The following RNH1 variants were observed in gnomAD, a reference collection of about 807,000 sequenced individuals.
RNH1 encodes the protein ribonuclease inhibitor.
A neutral mutation model predicts 46.1 loss-of-function variants in RNH1; 38 were observed. That is an observed-to-expected ratio of 0.82 (90% CI 0.64 to 1.08). The LOEUF (loss-of-function observed/expected upper bound fraction) is 1.08, where lower values mean the gene tolerates loss of function less well. RNH1 is among the 50% of genes least tolerant of loss of function. The pLI, the probability that RNH1 is intolerant of heterozygous loss-of-function variation, is 0.00. For missense variants in RNH1, 577 were observed against 590.7 expected (o/e 0.98, Z 0.24); for synonymous variants, 319 against 279.1 (o/e 1.14, Z -1.43).
At chr11:495,109 C>A in intron 9 of RNH1, 56 bp from the exon 10 acceptor site, 1 of 1,543,600 alleles carries the variant, frequency 6.5e-7, no homozygotes, top group African/African-American at 1.4e-5. Flanking sequence ...CCGCACTGAC[C>A]GGCAGAGCAG....
rs7939354 is a variant in RNH1 at position 502,204 on chromosome 11, A to G, written c.-42T>C. ...GGCCTGGGTGGGAGGCAGAGGGAAG[A>G]GGACGTCTTGGCCGAATCCCCTCAC... is the stretch of plus-strand genomic sequence containing the variant. On this transcript the variant is annotated 5_prime_UTR_variant, in exon 3 of 11. Coordinates refer to ENST00000354420, the MANE Select transcript of RNH1 (RefSeq NM_203387.3). This position sits in a 1 kb window ranked among gnomAD's most constrained non-coding sequence, Gnocchi z 5.8. The G allele has an allele frequency of 9.9e-4, 1,487 of 1,505,018 alleles. 18 individuals are homozygous for G. The African/African-American group carries it at 0.018, about 18-fold the overall frequency. 93.2% of individuals were successfully genotyped at this position (1,505,018 alleles called of 1,614,324 possible).
At position 498,926 on chromosome 11, in the gene RNH1, T is replaced by TCTCCAGCCTGGGGACACGGGTCA. The variant is rs761827227; in HGVS notation, c.615-16_621dup (p.Ser208Ter). 2 of 1,612,318 alleles carry TCTCCAGCCTGGGGACACGGGTCA rather than the reference T, an allele frequency of 1.2e-6. No individual in the cohort carries two copies. Among genetic ancestry groups the TCTCCAGCCTGGGGACACGGGTCA allele is most frequent in the South Asian group, 2.2e-5 (2 of 91,020 alleles). On this transcript the variant is annotated stop_gained and frameshift_variant, in exon 7 of 11. Coordinates refer to ENST00000354420, the MANE Select transcript of RNH1 (RefSeq NM_203387.3). LOFTEE classifies it high-confidence loss of function. ...CAGTTGTCTGATGTCACACCGCAGC[T>TCTCCAGCCTGGGGACACGGGTCA]CTCCAGCCTGGGGACACGGGTCACA...
chr11:496,544 C>G (rs1225997154), intron 9 of RNH1, among the ~76,000 whole-genome samples: 2 of 152,206 alleles, frequency 1.3e-5, no homozygotes, highest in African/African-American at 2.4e-5. Flanking sequence ...TGACGGGCGC[C>G]TGTGGTCCCA....
At chr11:504,596 A>AGCTACTACCCCAGCTTT (rs1850090285) in intron 2 of RNH1, 1 of 152,250 alleles carries the variant, frequency 6.6e-6, no homozygotes, top group African/African-American at 2.4e-5. Context: ...GCCTCGTCCC[A>AGCTACTACCCCAGCTTT]GCTACTACCC....
chr11:500,437 C>T (rs1250789057), intron 4 of RNH1, 47 bp downstream of exon 4: 23 of 1,573,810 alleles, frequency 1.5e-5, no homozygotes, highest in Non-Finnish European at 1.7e-5. Context: ...GCCGGGCTAC[C>T]AAAGCAGACT....
chr11:496,600 C>T (rs1055391432), intron 9 of RNH1, among the ~76,000 whole-genome samples: 16 of 152,102 alleles, frequency 1.1e-4, no homozygotes, highest in African/African-American at 3.9e-4. Context: ...ACTTGGGAGG[C>T]GGAGCTTGCA....
chr11:499,148 G>A lies in RNH1; in HGVS notation c.481C>T (p.Pro161Ser), dbSNP rs1400025406. Reference protein sequence around the residue: ...YCSLSAASCEPLASVLRAKPD... With the variant: ...YCSLSAASCESLASVLRAKPD... ...TTGGCCCTGAGCACGGAGGCCAGGG[G>A]CTCGCAGCTGGCAGCCGAGAGGCTG... Residue 161 changes from proline (P) to serine (S), a missense_variant, in exon 6 of 11, where the codon CCC becomes TCC. Coordinates refer to ENST00000354420, the MANE Select transcript of RNH1 (RefSeq NM_203387.3). 1 of 1,613,002 alleles carries A rather than the reference G, an allele frequency of 6.2e-7. No individual in the cohort carries two copies. Among genetic ancestry groups the A allele is most frequent in the East Asian group, 2.2e-5 (1 of 44,870 alleles).
rs776373012 is a variant in RNH1, at chr11:502,398, GA to G, written c.-87-150del. On this transcript the variant is annotated intron_variant, in intron 2 of 10. Coordinates refer to ENST00000354420, the MANE Select transcript of RNH1 (RefSeq NM_203387.3). The surrounding 1 kb of genome is among the most constrained non-coding windows in gnomAD (Gnocchi z 5.8). ...GGGCAGGGACCAGCACCCACCCCCA[GA>G]AAGGCCACCATGGGCAGCAGAGCTT... The G allele has an allele frequency of 5.6e-5, 32 of 574,252 alleles. No homozygotes were observed. The highest frequency in any genetic ancestry group is 9.7e-5 in the Non-Finnish European group (31 of 319,964). 35.6% of individuals were successfully genotyped at this position (574,252 alleles called of 1,614,324 possible).
At chr11:496,942 A>G (rs73399690) in intron 9 of RNH1, among the ~76,000 whole-genome samples, 3,929 of 152,396 alleles carry the variant, frequency 0.026, 170 homozygotes, top group African/African-American at 0.088. Flanking sequence ...TGAAGCTCTC[A>G]GGCTTCATGA....
intron 9 of RNH1, among the ~76,000 whole-genome samples, chr11:497,458 C>T (rs1431734357): frequency 6.8e-6 from 1 of 147,812 alleles, no homozygotes; most frequent in Non-Finnish European, 1.5e-5. Flanking sequence ...CTCACACACA[C>T]TCGTGCTCCC....
At position 494,648 on chromosome 11, in the gene RNH1, C is replaced by T. The variant is rs368734038; in HGVS notation, c.*43G>A. Reference sequence around the variant, plus strand: ...CAGGGGCTGGTGGGCCCCAGGGTTGCCTCGAGGCCGGTCGTCCAGGGAGAG... The same window carrying T: ...CAGGGGCTGGTGGGCCCCAGGGTTGTCTCGAGGCCGGTCGTCCAGGGAGAG... On this transcript the variant is annotated 3_prime_UTR_variant, in exon 11 of 11. Transcript: ENST00000354420. The T allele has an allele frequency of 3.8e-6, 6 of 1,592,098 alleles. No homozygotes were observed. The highest frequency in any genetic ancestry group is 4.3e-6 in the Non-Finnish European group (5 of 1,161,886).
chr11:506,503 A>G (rs935904441), intron 1 of RNH1: 1 of 152,174 alleles, frequency 6.6e-6, no homozygotes, highest in South Asian at 2.1e-4. Context: ...CCCAGGCGGC[A>G]GCTTCGCGGC....
chr11:495,560 C>T (rs1430129267), intron 9 of RNH1, among the ~76,000 whole-genome samples: 2 of 152,182 alleles, frequency 1.3e-5, no homozygotes, highest in African/African-American at 2.4e-5. Flanking sequence ...GGGGTGGAGC[C>T]GCCACAGGCC....
rs924329055 is a variant in RNH1, at chr11:494,572, C to T, written c.*119G>A. 36 of 845,112 alleles carry T rather than the reference C, an allele frequency of 4.3e-5. No individual in the cohort carries two copies. The highest frequency in any genetic ancestry group is 6.0e-5 in the Non-Finnish European group (31 of 513,048). 52.4% of individuals were successfully genotyped at this position (845,112 alleles called of 1,614,324 possible). ...TCCAAAATATACTGGCAGAAATAAG[C>T]GGATCTGAGCGTTTCTCTTCAAACC... On this transcript the variant is annotated 3_prime_UTR_variant, in exon 11 of 11. Coordinates refer to ENST00000354420, the MANE Select transcript of RNH1 (RefSeq NM_203387.3).
chr11:499,063 A>G lies in RNH1; in HGVS notation c.566T>C (p.Val189Ala). 1 of 1,613,258 alleles carries G rather than the reference A, an allele frequency of 6.2e-7. No homozygotes were observed. The highest frequency in any genetic ancestry group is 8.5e-7 in the Non-Finnish European group (1 of 1,179,918). ...NNDINEAGVR[V>A]LCQGLKDSPC... ...GGAGTCCTTCAGGCCCTGGCACAGCACACGGACGCCAGCCTCATTGATGTC... is the reference window on the plus strand; with the variant it reads ...GGAGTCCTTCAGGCCCTGGCACAGCGCACGGACGCCAGCCTCATTGATGTC... Residue 189 changes from valine (V) to alanine (A), a missense_variant, in exon 6 of 11, where the codon GTG becomes GCG. Transcript: ENST00000354420.
chr11:497,995 G>A lies in RNH1; in HGVS notation c.1103C>T (p.Pro368Leu), dbSNP rs143037442. ...CCAGAGCACCCGCAGCACAGAGCCA[G>A]GCTGGCCCAGGCCCTGGCACAGCTC... is the stretch of plus-strand genomic sequence containing the variant. The part of the protein sequence containing the change: ...VRELCQGLGQ[P>L]GSVLRVLWLA... Residue 368 changes from proline to leucine, a missense_variant, in exon 9 of 11, where the codon CCT becomes CTT. Transcript: ENST00000354420. The A allele has an allele frequency of 5.1e-4, 827 of 1,613,822 alleles. No homozygotes were observed. Among genetic ancestry groups the A allele is most frequent in the Non-Finnish European group, 6.4e-4 (757 of 1,179,948 alleles).
intron 1 of RNH1, chr11:505,725 A>AT (rs1453113134): frequency 1.3e-5 from 2 of 152,026 alleles, no homozygotes; most frequent in Non-Finnish European, 2.9e-5. Context: ...CAACTGGCTA[A>AT]TTTTTTCTAT....
In RNH1 at chr11:498,995, C is replaced by T; in HGVS notation, c.614+20G>A. ...CCCCCCTAGCCCACACCCCGCACCCCCCCAAGGCCCAGTGCCTACTTGAGC... is the reference window on the plus strand; with the variant it reads ...CCCCCCTAGCCCACACCCCGCACCCTCCCAAGGCCCAGTGCCTACTTGAGC... On this transcript the variant is annotated intron_variant, in intron 6 of 10. Transcript: ENST00000354420. The T allele has an allele frequency of 6.2e-7, 1 of 1,612,504 alleles. No individual in the cohort carries two copies. The highest frequency in any genetic ancestry group is 1.3e-5 in the African/African-American group (1 of 75,024).
At chr11:506,259 C>G (rs1011097998) in intron 1 of RNH1, 14 of 152,212 alleles carry the variant, frequency 9.2e-5, no homozygotes, top group Non-Finnish European at 1.6e-4. Context: ...TTTCCACCAT[C>G]CTAGAAGGGG....
Sources: gnomAD v4.1 joint callset for allele counts (sites outside exome capture counted in the v4.1 genomes callset) on GRCh38, gnomAD v4.1.1 for gene constraint, Gnocchi (gnomAD v3.1) non-coding constraint, MANE v1.5 for transcripts, NCBI Gene and HGNC (gene_info 2026-07-23, HGNC 2026-07-21) for gene names.